Variants in PLGRKT observed in about 807,000 individuals in gnomAD.
PLGRKT encodes plasminogen receptor (KT).
In PLGRKT, 22 loss-of-function variants were observed where a neutral mutation model predicts 18.5. The observed-to-expected ratio is 1.19, with a 90% CI of 0.85 to 1.70. The LOEUF (loss-of-function observed/expected upper bound fraction) is 1.70. PLGRKT is among the 40% of genes most tolerant of loss of function. PLGRKT has a pLI of 0.00. For synonymous variants in PLGRKT, 72 were observed against 52.8 expected, an observed-to-expected ratio of 1.36 and a Z score of -1.58; for missense variants, 235 against 174.4, an observed-to-expected ratio of 1.35 and a Z score of -1.96.
intron 3 of PLGRKT, among the ~76,000 whole-genome samples, chr9:5,388,729 A>C (rs146247454): frequency 5.3e-5 from 8 of 152,128 alleles, no homozygotes; most frequent in African/African-American, 1.9e-4. Flanking sequence ...TTGTGATGAA[A>C]TGTCCCTCTT....
chr9:5,362,228 T>C (rs146530875), intron 3 of PLGRKT, among the ~76,000 whole-genome samples: 7 of 152,370 alleles, frequency 4.6e-5, no homozygotes, highest in African/African-American at 1.4e-4. Context: ...TCTTTAAATG[T>C]AGATACATCT....
At position 5,434,728 on chromosome 9, in the gene PLGRKT, G is replaced by A. The variant is rs559697265; in HGVS notation, c.-7+1841C>T. Reference sequence around the variant, plus strand: ...TGCCTGGCCGCTCCGTCTGGGAAGTGAGGAGCGCCTCTGCCCGGCCGCCCT... The same window carrying A: ...TGCCTGGCCGCTCCGTCTGGGAAGTAAGGAGCGCCTCTGCCCGGCCGCCCT... On this transcript the variant is annotated intron_variant, in intron 2 of 5. Coordinates refer to ENST00000223864, the MANE Select transcript of PLGRKT (RefSeq NM_018465.4). Among the ~76,000 whole-genome samples, 5 of 151,828 alleles carry A rather than the reference G, an allele frequency of 3.3e-5. No homozygotes were observed. In the South Asian group the frequency reaches 1.0e-3, roughly 32 times the overall value.
intron 3 of PLGRKT, among the ~76,000 whole-genome samples, chr9:5,424,142 AT>A (rs1302942934): frequency 1.4e-5 from 2 of 140,826 alleles, no homozygotes; most frequent in African/African-American, 5.2e-5. Flanking sequence ...TACATATATT[AT>A]ATATTACATG....
chr9:5,395,827 T>C (rs1423625723), intron 3 of PLGRKT, among the ~76,000 whole-genome samples: 2 of 151,618 alleles, frequency 1.3e-5, no homozygotes, highest in East Asian at 1.9e-4. Flanking sequence ...AAAAGGTGGA[T>C]TTTTTTTATT....
intron 3 of PLGRKT, among the ~76,000 whole-genome samples, chr9:5,428,054 A>C (rs926643434): frequency 5.9e-5 from 9 of 152,274 alleles, no homozygotes; most frequent in Non-Finnish European, 1.2e-4. Flanking sequence ...ATGGGGCAGC[A>C]AGCTCCACGA....
chr9:5,368,172 G>C lies in PLGRKT; in HGVS notation c.82-6284C>G, dbSNP rs79088826. Among the ~76,000 whole-genome samples, 947 of 152,280 alleles carry C rather than the reference G, an allele frequency of 6.2e-3. 9 individuals carry two copies. Among genetic ancestry groups the C allele is most frequent in the African/African-American group, 0.022 (894 of 41,550 alleles). ...TTCAGTCACTGTGGAAAGCAGTTTAGAGATTTCTCAAAGAACTTAAAACAG... is the reference window on the plus strand; with the variant it reads ...TTCAGTCACTGTGGAAAGCAGTTTACAGATTTCTCAAAGAACTTAAAACAG... On this transcript the variant is annotated intron_variant, in intron 3 of 5. Coordinates refer to ENST00000223864, the MANE Select transcript of PLGRKT (RefSeq NM_018465.4).
intron 2 of PLGRKT, among the ~76,000 whole-genome samples, chr9:5,434,443 G>A (rs1818915935): frequency 6.9e-6 from 1 of 144,072 alleles, no homozygotes; most frequent in African/African-American, 2.6e-5. Flanking sequence ...CCTCTGCCCG[G>A]CCGCCGCCCC....
rs116279860 is a variant in PLGRKT at position 5,361,454 on chromosome 9, G to C, written c.213-267C>G. ...GTTCCTTGTTTTTAAAATGAGTAAG[G>C]ATTGGTATCTACCACTAAGGGATTG... On this transcript the variant is annotated intron_variant, in intron 4 of 5. Transcript: ENST00000223864. Among the ~76,000 whole-genome samples the C allele has an allele frequency of 6.4e-3, 978 of 152,246 alleles. 14 individuals carry two copies. The highest frequency in any genetic ancestry group is 0.022 in the African/African-American group (926 of 41,540).
intron 3 of PLGRKT, among the ~76,000 whole-genome samples, chr9:5,417,495 C>A (rs1818486423): frequency 6.7e-6 from 1 of 149,198 alleles, no homozygotes; most frequent in South Asian, 2.1e-4. Context: ...GATATGACAC[C>A]AAAAACAACA....
chr9:5,436,406 T>C (rs1453378062), intron 2 of PLGRKT, among the ~76,000 whole-genome samples, 163 bp downstream of exon 2: 1 of 152,270 alleles, frequency 6.6e-6, no homozygotes, highest in Non-Finnish European at 1.5e-5. Context: ...AGAAAACAAC[T>C]GTACTCTAGT....
intron 3 of PLGRKT, among the ~76,000 whole-genome samples, chr9:5,388,465 C>A (rs1409790322): frequency 6.6e-6 from 1 of 151,964 alleles, no homozygotes; most frequent in Non-Finnish European, 1.5e-5. Context: ...ACATAAAAAT[C>A]TATATAAACT....
chr9:5,371,337 T>C (rs1334514531), intron 3 of PLGRKT, among the ~76,000 whole-genome samples: 1 of 152,182 alleles, frequency 6.6e-6, no homozygotes, highest in Non-Finnish European at 1.5e-5. Flanking sequence ...CACCCAAACC[T>C]CAACTTGAAT....
intron 3 of PLGRKT, among the ~76,000 whole-genome samples, chr9:5,423,851 C>T (rs956542238): frequency 3.9e-5 from 4 of 101,616 alleles, no homozygotes; most frequent in African/African-American, 9.3e-5. Flanking sequence ...TATAGGCACA[C>T]ATCACATTGC....
At chr9:5,435,531 TAC>T (rs1479756923) in intron 2 of PLGRKT, among the ~76,000 whole-genome samples, 1 of 152,190 alleles carries the variant, frequency 6.6e-6, no homozygotes, top group Non-Finnish European at 1.5e-5. Context: ...TGGAAAAACA[TAC>T]AGATACTTGA....
chr9:5,400,788 C>G (rs1418489665), intron 3 of PLGRKT, among the ~76,000 whole-genome samples: 2 of 151,868 alleles, frequency 1.3e-5, no homozygotes, highest in East Asian at 3.9e-4. Flanking sequence ...GGGTTCTATC[C>G]TTAACATAAA....
At chr9:5,372,596 T>C (rs941736245) in intron 3 of PLGRKT, among the ~76,000 whole-genome samples, 1 of 152,192 alleles carries the variant, frequency 6.6e-6, no homozygotes, top group African/African-American at 2.4e-5. Context: ...ACTCCACAGC[T>C]ACTGCCTCCT....
chr9:5,422,249 T>C (rs1019112354), intron 3 of PLGRKT, among the ~76,000 whole-genome samples: 1 of 152,174 alleles, frequency 6.6e-6, no homozygotes, highest in Non-Finnish European at 1.5e-5. Context: ...ATCAGGTCGA[T>C]ATGACTAAAG....
chr9:5,418,387 G>A lies in PLGRKT; in HGVS notation c.81+13510C>T. 3.8e-6 allele frequency: 3 copies of A among 789,874 alleles called. No homozygotes were observed. Among genetic ancestry groups the A allele is most frequent in the South Asian group, 1.4e-5 (1 of 69,284 alleles). The allele number at this position is 789,874 out of a possible 1,614,324, so 48.9% of individuals were successfully genotyped here. On this transcript the variant is annotated intron_variant, in intron 3 of 5. Coordinates refer to ENST00000223864, the MANE Select transcript of PLGRKT (RefSeq NM_018465.4). This position sits in a 1 kb window ranked among gnomAD's most constrained non-coding sequence, Gnocchi z 4.2. The stretch of plus-strand genomic sequence containing the variant: ...CCCTCTCCAGCCACAAGATGTCACA[G>A]TCAAGCGCTTAGAAATGCAGGACAT...
At chr9:5,426,187 C>G (rs933462920) in intron 3 of PLGRKT, among the ~76,000 whole-genome samples, 7 of 152,138 alleles carry the variant, frequency 4.6e-5, no homozygotes, top group African/African-American at 1.7e-4. Flanking sequence ...TGGGTTCACT[C>G]AATACATAGG....
Sources: gnomAD v4.1 joint callset for allele counts (sites outside exome capture counted in the v4.1 genomes callset) on GRCh38, gnomAD v4.1.1 for gene constraint, Gnocchi (gnomAD v3.1) non-coding constraint, MANE v1.5 for transcripts, NCBI Gene and HGNC (gene_info 2026-07-23, HGNC 2026-07-21) for gene names.